The following PDE4D variants were observed in gnomAD, a reference collection of about 807,000 sequenced individuals.
PDE4D encodes 3',5'-cyclic-AMP phosphodiesterase 4D.
In PDE4D, 24 loss-of-function variants were observed where a neutral mutation model predicts 87.4. The ratio of observed to expected loss-of-function variants is 0.27; its 90% confidence interval spans 0.20 to 0.39. PDE4D has a LOEUF of 0.39. PDE4D is among the 10% of genes least tolerant of loss of function. PDE4D has a pLI of 1.00. For synonymous variants in PDE4D, 384 were observed against 383.2 expected, an observed-to-expected ratio of 1.00 and a Z score of -0.02; for missense variants, 714 against 1,041.0, an observed-to-expected ratio of 0.69 and a Z score of 4.32.
intron 1 of PDE4D, among the ~76,000 whole-genome samples, chr5:60,478,122 A>C (rs1408003513): frequency 6.6e-6 from 1 of 152,184 alleles, no homozygotes; most frequent in Non-Finnish European, 1.5e-5. Flanking sequence ...GAGTCCCTTA[A>C]ATTCAAATTC....
intron 1 of PDE4D, among the ~76,000 whole-genome samples, chr5:59,523,606 G>A (rs1029609774): frequency 6.6e-6 from 1 of 152,144 alleles, no homozygotes; most frequent in African/African-American, 2.4e-5. Flanking sequence ...CTGCCCCTTT[G>A]AAAACTATTT....
chr5:60,347,375 T>C (rs759219885), intron 1 of PDE4D, among the ~76,000 whole-genome samples: 3 of 152,084 alleles, frequency 2.0e-5, no homozygotes, highest in Non-Finnish European at 4.4e-5. Flanking sequence ...GTAGAAAACA[T>C]AAAGGGTTTT....
chr5:59,316,120 C>T (rs1044689950), intron 1 of PDE4D, among the ~76,000 whole-genome samples: 27 of 152,248 alleles, frequency 1.8e-4, no homozygotes, highest in African/African-American at 6.5e-4. Flanking sequence ...CTGGACTCAC[C>T]TCCCGTAACA....
chr5:59,446,912 A>G (rs1306268099), intron 1 of PDE4D, among the ~76,000 whole-genome samples: 1 of 152,254 alleles, frequency 6.6e-6, no homozygotes, highest in Admixed American at 6.5e-5. Flanking sequence ...AGATTTTAAC[A>G]TAATTGCTAA....
chr5:59,403,174 C>CAGACAGACAGAT (rs1400389898), intron 1 of PDE4D, among the ~76,000 whole-genome samples: 1 of 90,850 alleles, frequency 1.1e-5, no homozygotes, highest in African/African-American at 3.6e-5. Flanking sequence ...GACAGACAGA[C>CAGACAGACAGAT]AGATAGATAG....
intron 1 of PDE4D, among the ~76,000 whole-genome samples, chr5:59,692,679 T>C (rs1751163860): frequency 6.6e-6 from 1 of 152,140 alleles, no homozygotes; most frequent in Non-Finnish European, 1.5e-5. Flanking sequence ...AATTTAAGTT[T>C]AGATACAGCT....
At chr5:60,496,452 T>C (rs527814751) in intron 1 of PDE4D, among the ~76,000 whole-genome samples, 5 of 152,270 alleles carry the variant, frequency 3.3e-5, no homozygotes, top group African/African-American at 1.2e-4. Context: ...AGGAAAATAC[T>C]GTTCCACATA....
At chr5:60,143,555 A>AGTC (rs1780724764) in intron 2 of PDE4D, among the ~76,000 whole-genome samples, 1 of 149,686 alleles carries the variant, frequency 6.7e-6, no homozygotes, top group Non-Finnish European at 1.5e-5. Flanking sequence ...CCATTGCCTG[A>AGTC]GTCCTAACCT....
intron 1 of PDE4D, among the ~76,000 whole-genome samples, chr5:59,248,755 T>A (rs1759364425): frequency 6.6e-6 from 1 of 152,124 alleles, no homozygotes; most frequent in South Asian, 2.1e-4. Context: ...ATACATAAAA[T>A]TTTATCTGTG....
intron 1 of PDE4D, among the ~76,000 whole-genome samples, chr5:60,225,118 A>G (rs1038066492): frequency 1.3e-5 from 2 of 151,800 alleles, no homozygotes; most frequent in African/African-American, 4.8e-5. Context: ...CTCCTCAGGG[A>G]TCTCGGTTTT....
Position 59,386,393 on chromosome 5 carries a change from C to T in PDE4D, c.456-170425G>A, listed in dbSNP as rs191198924. ...TTAAAGAAAATATTTCTTTTTATTA[C>T]GTGACTTCTAAGAGCTTTAAATATA... On this transcript the variant is annotated intron_variant, in intron 1 of 14. Transcript: ENST00000340635. 3.5e-4 allele frequency among the ~76,000 whole-genome samples: 53 copies of T among 152,024 alleles called. No homozygotes were observed. In the East Asian group the frequency reaches 9.7e-3, roughly 28 times the overall value.
At chr5:60,460,539 C>A in intron 1 of PDE4D, 1 of 1,421,116 alleles carries the variant, frequency 7.0e-7, no homozygotes, top group South Asian at 1.2e-5. Context: ...GTTCTACTTT[C>A]AAAATCTCCT....
intron 2 of PDE4D, among the ~76,000 whole-genome samples, chr5:60,028,251 C>T (rs1766851713): frequency 2.0e-5 from 3 of 152,104 alleles, no homozygotes; most frequent in Non-Finnish European, 2.9e-5. Context: ...TGACTTTTTC[C>T]TTTAGCTTCA....
At chr5:59,169,994 A>G (rs1043357271) in intron 5 of PDE4D, among the ~76,000 whole-genome samples, 10 of 152,104 alleles carry the variant, frequency 6.6e-5, no homozygotes, top group Non-Finnish European at 1.5e-4. Flanking sequence ...TGCTGGCAGG[A>G]GTGGACTTTG....
At position 59,276,122 on chromosome 5, in the gene PDE4D, GAA is replaced by G. The variant is rs56153175; in HGVS notation, c.456-60156_456-60155del. 193,171 of 839,340 alleles carry G rather than the reference GAA, an allele frequency of 0.23. 4,230 individuals are homozygous for G. The highest frequency in any genetic ancestry group is 0.44 in the East Asian group (3,149 of 7,228). 52.0% of individuals were successfully genotyped at this position (839,340 alleles called of 1,614,324 possible). A position where few individuals can be genotyped will look rare whatever the true frequency, so the allele number is the denominator to read the frequency against. Reference sequence around the variant, plus strand: ...AAAACACCGCAGGGCAGTGAGAAAGGAAAAAAAAAAAAAAAAAAAAAGAAAAG... The same window carrying G: ...AAAACACCGCAGGGCAGTGAGAAAGGAAAAAAAAAAAAAAAAAAAGAAAAG... On this transcript the variant is annotated intron_variant, in intron 1 of 14. Transcript: ENST00000340635.
intron 1 of PDE4D, among the ~76,000 whole-genome samples, chr5:59,587,783 C>G (rs1488374176): frequency 6.6e-6 from 1 of 152,166 alleles, no homozygotes; most frequent in African/African-American, 2.4e-5. Flanking sequence ...ATAGCTCGCC[C>G]TGGAAGAGCA....
intron 1 of PDE4D, among the ~76,000 whole-genome samples, chr5:59,784,971 A>T (rs1438706404): frequency 6.6e-6 from 1 of 152,096 alleles, no homozygotes. Context: ...TTCCACCATG[A>T]TTGTGAGGCC....
intron 2 of PDE4D, among the ~76,000 whole-genome samples, chr5:60,002,956 CA>C (rs1764147887): frequency 6.6e-6 from 1 of 152,050 alleles, no homozygotes; most frequent in Non-Finnish European, 1.5e-5. Flanking sequence ...AAATAAAAGG[CA>C]TCCAAATTAG....
At chr5:60,077,362 C>G (rs1463512094) in intron 2 of PDE4D, among the ~76,000 whole-genome samples, 2 of 152,144 alleles carry the variant, frequency 1.3e-5, no homozygotes, top group African/African-American at 4.8e-5. Flanking sequence ...TATGTGAAGG[C>G]CAAGTAGCAT....
Sources: allele counts gnomAD v4.1 joint callset (sites outside exome capture counted in the v4.1 genomes callset), GRCh38; gene constraint gnomAD v4.1.1; transcripts MANE v1.5; gene names NCBI Gene and HGNC (gene_info 2026-07-23, HGNC 2026-07-21).